Variants in TRAPPC3L observed in about 807,000 individuals in gnomAD.
TRAPPC3L encodes the protein trafficking protein particle complex subunit 3L, also known as trafficking protein particle complex subunit 3-like protein.
TRAPPC3L carries 23 observed loss-of-function variants against 23.7 expected under a neutral mutation model. The ratio of observed to expected loss-of-function variants is 0.97; its 90% confidence interval spans 0.70 to 1.37. TRAPPC3L has a LOEUF of 1.37. Ranked by LOEUF, TRAPPC3L falls within the 40% of genes most tolerant of loss-of-function variation. The pLI is 0.00. For synonymous variants in TRAPPC3L, 81 were observed against 77.9 expected (o/e 1.04, Z -0.21); for missense variants, 212 against 216.8 (o/e 0.98, Z 0.14).
intron 4 of TRAPPC3L, among the ~76,000 whole-genome samples, chr6:116,499,678 C>A (rs370612058): frequency 1.3e-5 from 2 of 152,256 alleles, no homozygotes; most frequent in East Asian, 1.9e-4. Flanking sequence ...ATTCTTCTAC[C>A]TGTTAGATTA....
chr6:116,521,941 G>A (rs1315273007), intron 3 of TRAPPC3L: 1 of 152,078 alleles, frequency 6.6e-6, no homozygotes, highest in Non-Finnish European at 1.5e-5. Flanking sequence ...TCTGGTAAAA[G>A]CCACTATGTA....
intron 3 of TRAPPC3L, 103 bp from the exon 4 acceptor site, chr6:116,500,769 G>T: frequency 2.0e-6 from 2 of 983,682 alleles, no homozygotes; most frequent in Non-Finnish European, 3.0e-6. Flanking sequence ...CAATGGTTAA[G>T]CACATGGAGT....
intron 3 of TRAPPC3L, among the ~76,000 whole-genome samples, chr6:116,526,423 T>C (rs994536531): frequency 3.3e-5 from 5 of 152,228 alleles, no homozygotes; most frequent in African/African-American, 1.2e-4. Flanking sequence ...TAGGAAACTC[T>C]TGTTCTAAAC....
chr6:116,515,988 A>G, intron 3 of TRAPPC3L: 1 of 1,584,960 alleles, frequency 6.3e-7, no homozygotes, highest in Non-Finnish European at 8.6e-7. Flanking sequence ...CACAATATGT[A>G]GCTCATCCAC....
At chr6:116,508,648 A>C (rs1772049805) in intron 3 of TRAPPC3L, among the ~76,000 whole-genome samples, 3 of 152,136 alleles carry the variant, frequency 2.0e-5, no homozygotes, top group South Asian at 4.1e-4. Flanking sequence ...AACTCTCCCT[A>C]AACTTTCCCA....
intron 3 of TRAPPC3L, among the ~76,000 whole-genome samples, chr6:116,537,263 C>T (rs1363000324): frequency 6.6e-6 from 1 of 152,078 alleles, no homozygotes; most frequent in Non-Finnish European, 1.5e-5. Context: ...AGGAATTCAT[C>T]AGAATGGTTG....
Position 116,500,624 on chromosome 6 carries a change from A to C in TRAPPC3L, c.283T>G (p.Cys95Gly), listed in dbSNP as rs375505724. 8 of 1,551,534 alleles carry C rather than the reference A, an allele frequency of 5.2e-6. No individual in the cohort carries two copies. Among genetic ancestry groups the C allele is most frequent in the Non-Finnish European group, 7.0e-6 (8 of 1,146,986 alleles). The change falls in exon 4 of 5, where the codon TGT (cysteine) becomes GGT (glycine). Residue 95 changes from cysteine (C) to glycine (G), a missense_variant. Cys to Gly is a radical substitution (Grantham distance 159). Coordinates refer to ENST00000368602, the MANE Select transcript of TRAPPC3L (RefSeq NM_001139444.3). ...MYLGITPSVT[C>G]NNSSKNEFSL... ...AATTCATTTTTGCTTGAATTGTTAC[A>C]GGTCACACTTGGTGTAATTCCCAGG...
At chr6:116,518,609 G>T (rs1439458998) in intron 3 of TRAPPC3L, 2 of 152,116 alleles carry the variant, frequency 1.3e-5, no homozygotes, top group Non-Finnish European at 2.9e-5. Context: ...AGTGTCTTCT[G>T]AGCTGGAAAA....
chr6:116,540,308 C>CA, intron 3 of TRAPPC3L, 55 bp downstream of exon 3: 1 of 1,505,732 alleles, frequency 6.6e-7, no homozygotes, highest in South Asian at 1.2e-5. Flanking sequence ...CCACCATACT[C>CA]AAAAAGAATC....
chr6:116,537,712 C>T (rs1034804637), intron 3 of TRAPPC3L, among the ~76,000 whole-genome samples: 1 of 152,166 alleles, frequency 6.6e-6, no homozygotes, highest in African/African-American at 2.4e-5. Flanking sequence ...GAGGAGCATT[C>T]GCAGGCTACC....
intron 4 of TRAPPC3L, among the ~76,000 whole-genome samples, chr6:116,498,025 T>C (rs902551163): frequency 2.6e-5 from 4 of 152,216 alleles, no homozygotes; most frequent in Admixed American, 2.6e-4. Flanking sequence ...ACAGAGGATG[T>C]AGATTGCACT....
intron 3 of TRAPPC3L, chr6:116,523,326 T>C (rs1158743308): frequency 1.3e-5 from 2 of 152,226 alleles, no homozygotes; most frequent in African/African-American, 4.8e-5. Context: ...AAGTTTTACA[T>C]GTTTCTTGTA....
At chr6:116,516,065 C>A (rs182899575) in intron 3 of TRAPPC3L, 1 of 1,471,200 alleles carries the variant, frequency 6.8e-7, no homozygotes, top group East Asian at 2.3e-5. Context: ...CACCAGCAAC[C>A]TGTGTGTCTC....
chr6:116,512,621 G>A (rs140460907), intron 3 of TRAPPC3L, among the ~76,000 whole-genome samples: 1 of 152,270 alleles, frequency 6.6e-6, no homozygotes, highest in East Asian at 1.9e-4. Context: ...CATTCAAGTT[G>A]TTTTCTCAAA....
At chr6:116,541,949 A>T (rs1773490389) in intron 2 of TRAPPC3L, among the ~76,000 whole-genome samples, 1 of 152,192 alleles carries the variant, frequency 6.6e-6, no homozygotes, top group African/African-American at 2.4e-5. Context: ...TTAAGGAAAG[A>T]TCTTTCTGCA....
intron 3 of TRAPPC3L, among the ~76,000 whole-genome samples, chr6:116,513,698 G>A (rs1772169155): frequency 6.6e-6 from 1 of 152,206 alleles, no homozygotes; most frequent in African/African-American, 2.4e-5. Context: ...CAGATAGGCA[G>A]GAGGCAGCAT....
chr6:116,501,356 G>T (rs1348165867), intron 3 of TRAPPC3L, among the ~76,000 whole-genome samples: 1 of 152,202 alleles, frequency 6.6e-6, no homozygotes. Flanking sequence ...AAACAAAAAG[G>T]CAGGGAAGAT....
At chr6:116,530,218 C>A (rs997660192) in intron 3 of TRAPPC3L, among the ~76,000 whole-genome samples, 1 of 151,690 alleles carries the variant, frequency 6.6e-6, no homozygotes, top group Non-Finnish European at 1.5e-5. Context: ...AACAAACCAC[C>A]CCCCCTCCTT....
chr6:116,531,451 G>A (rs537240713), intron 3 of TRAPPC3L, among the ~76,000 whole-genome samples: 7 of 152,118 alleles, frequency 4.6e-5, no homozygotes, highest in Non-Finnish European at 8.8e-5. Context: ...GTTGAGTCAT[G>A]AAAATGGCAC....
Sources: allele counts gnomAD v4.1 joint callset (sites outside exome capture counted in the v4.1 genomes callset), GRCh38; gene constraint gnomAD v4.1.1; transcripts MANE v1.5; gene names NCBI Gene and HGNC (gene_info 2026-07-23, HGNC 2026-07-21).